The following RMDN2 variants were observed in gnomAD, a reference collection of about 807,000 sequenced individuals.
The protein encoded by RMDN2 is regulator of microtubule dynamics 2, also known as regulator of microtubule dynamics protein 2.
RMDN2 carries 61 observed loss-of-function variants against 52.8 expected under a neutral mutation model. The ratio of observed to expected loss-of-function variants is 1.16; its 90% CI spans 0.94 to 1.43. The LOEUF (loss-of-function observed/expected upper bound fraction) is 1.43, where lower values mean the gene tolerates loss of function less well. RMDN2 is among the 40% of genes most tolerant of loss of function. The pLI, the probability that RMDN2 is intolerant of heterozygous loss-of-function variation, is 0.00. For missense variants in RMDN2, 592 were observed against 475.3 expected, an observed-to-expected ratio of 1.25 and a Z score of -2.28; for synonymous variants, 180 against 153.1, an observed-to-expected ratio of 1.18 and a Z score of -1.30.
chr2:37,954,377 GTGA>G (rs375914646), intron 2 of RMDN2, among the ~76,000 whole-genome samples: 1 of 151,990 alleles, frequency 6.6e-6, no homozygotes, highest in African/African-American at 2.4e-5. Context: ...ATTTTTGTGT[GTGA>G]TGTTAAGTAA....
In RMDN2 at chr2:37,953,577, A is replaced by G. The variant is rs531543619; in HGVS notation, c.453-20463A>G. 1.1e-4 allele frequency among the ~76,000 whole-genome samples: 17 copies of G among 152,138 alleles called. 1 individual carries two copies. The South Asian group carries it at 3.1e-3, about 28-fold the overall frequency. Reference sequence around the variant, plus strand: ...ACTGTATGTATATATCACATTTTGCATATCCTTTATCCACCAGTGGACAAT... The same window carrying G: ...ACTGTATGTATATATCACATTTTGCGTATCCTTTATCCACCAGTGGACAAT... On this transcript the variant is annotated intron_variant, in intron 2 of 10. Transcript: ENST00000354545.
chr2:38,000,226 C>T lies in RMDN2; in HGVS notation c.1044+2712C>T, dbSNP rs202164023. The stretch of plus-strand genomic sequence containing the variant: ...CCTCATCCAAAATTCTGGCATGATT[C>T]CCTAGGGCAGTGGTTCTCAACCTTG... On this transcript the variant is annotated intron_variant, in intron 8 of 10. Coordinates refer to ENST00000354545, the MANE Select transcript of RMDN2 (RefSeq NM_001170791.3). 1.6e-4 allele frequency among the ~76,000 whole-genome samples: 24 copies of T among 152,280 alleles called. No homozygotes were observed. The East Asian group carries it at 4.2e-3, about 27-fold the overall frequency.
In RMDN2 at chr2:37,951,270, C is replaced by G. The variant is rs765216607; in HGVS notation, c.452+21541C>G. The G allele has an allele frequency of 1.9e-6, 3 of 1,604,402 alleles. No homozygotes were observed. Among genetic ancestry groups the G allele is most frequent in the Admixed American group, 3.5e-5 (2 of 57,356 alleles). On this transcript the variant is annotated intron_variant, in intron 2 of 10. Transcript: ENST00000354545. Reference sequence around the variant, plus strand: ...GGACCAGAGCTTCCAACGATGTTCTCCAGAAGATCAAGTTAGTACAGACGC... The same window carrying G: ...GGACCAGAGCTTCCAACGATGTTCTGCAGAAGATCAAGTTAGTACAGACGC...
At chr2:37,943,881 T>C (rs981795891) in intron 2 of RMDN2, among the ~76,000 whole-genome samples, 2 of 152,166 alleles carry the variant, frequency 1.3e-5, no homozygotes, top group African/African-American at 4.8e-5. Context: ...CTACTCCCCA[T>C]ATCTTTGCTC....
At chr2:37,997,209 A>T in intron 7 of RMDN2, among the ~76,000 whole-genome samples, 1 of 152,158 alleles carries the variant, frequency 6.6e-6, no homozygotes, top group East Asian at 1.9e-4. Flanking sequence ...AGAATTGTGA[A>T]AAAGGAAGGT....
intron 10 of RMDN2, among the ~76,000 whole-genome samples, chr2:38,011,971 T>G (rs913699277): frequency 3.3e-5 from 5 of 152,178 alleles, no homozygotes; most frequent in African/African-American, 4.8e-5. Flanking sequence ...ACAGATTAAA[T>G]GTAAACGTCA....
intron 10 of RMDN2, among the ~76,000 whole-genome samples, chr2:38,042,158 C>T (rs920277974): frequency 6.6e-6 from 1 of 152,034 alleles, no homozygotes; most frequent in Admixed American, 6.6e-5. Flanking sequence ...ATTTATTTCT[C>T]TTTGTGTGTG....
At chr2:37,964,198 G>A (rs900133137) in intron 2 of RMDN2, among the ~76,000 whole-genome samples, 1 of 151,858 alleles carries the variant, frequency 6.6e-6, no homozygotes, top group African/African-American at 2.4e-5. Flanking sequence ...GCCGGGCGGA[G>A]GGGCTCCTCA....
At chr2:37,975,016 T>G in intron 3 of RMDN2, 196 bp from the exon 4 acceptor site, 1 of 562,492 alleles carries the variant, frequency 1.8e-6, no homozygotes, top group Non-Finnish European at 3.1e-6. Flanking sequence ...AATGTAACAC[T>G]ACATTAGGTC....
chr2:38,039,093 C>CACACAGAGAG (rs1317093706), intron 10 of RMDN2, among the ~76,000 whole-genome samples: 94 of 91,664 alleles, frequency 1.0e-3, no homozygotes, highest in African/African-American at 2.7e-3. Flanking sequence ...CACACACACA[C>CACACAGAGAG]AGAGAGAGAG....
intron 8 of RMDN2, among the ~76,000 whole-genome samples, chr2:38,002,692 A>G (rs751845321): frequency 1.3e-5 from 2 of 152,250 alleles, no homozygotes; most frequent in Admixed American, 1.3e-4. Context: ...GGTAGGTTAC[A>G]TGTCAAACGG....
At chr2:37,956,694 C>T (rs1457234459) in intron 2 of RMDN2, among the ~76,000 whole-genome samples, 1 of 151,604 alleles carries the variant, frequency 6.6e-6, no homozygotes, top group Non-Finnish European at 1.5e-5. Context: ...TTCTGGGATA[C>T]ATGTGCAGAA....
At chr2:37,993,215 G>T (rs913966499) in intron 7 of RMDN2, among the ~76,000 whole-genome samples, 1 of 152,050 alleles carries the variant, frequency 6.6e-6, no homozygotes, top group Admixed American at 6.6e-5. Context: ...ATGAACCACC[G>T]CACCTGGCCC....
chr2:37,943,011 C>T (rs1342529766), intron 2 of RMDN2, among the ~76,000 whole-genome samples: 1 of 152,218 alleles, frequency 6.6e-6, no homozygotes, highest in East Asian at 1.9e-4. Context: ...CTGGGCAGGA[C>T]TTGCTAAGAG....
chr2:38,014,763 A>T (rs570525042), intron 10 of RMDN2, among the ~76,000 whole-genome samples: 1 of 152,346 alleles, frequency 6.6e-6, no homozygotes, highest in Non-Finnish European at 1.5e-5. Context: ...TTATTTTACA[A>T]TTATAGAGGT....
intron 2 of RMDN2, 49 bp downstream of exon 2, chr2:37,929,778 T>C: frequency 8.1e-7 from 1 of 1,235,088 alleles, no homozygotes; most frequent in Non-Finnish European, 1.1e-6. Flanking sequence ...ATTATCATTA[T>C]TACTATTATT....
chr2:37,967,036 C>T (rs190181096), intron 2 of RMDN2, among the ~76,000 whole-genome samples: 21 of 151,552 alleles, frequency 1.4e-4, no homozygotes, highest in East Asian at 1.2e-3. Flanking sequence ...GGACAGTGCC[C>T]GAAAGAAATA....
Position 37,991,837 on chromosome 2 carries a change from G to A in RMDN2, c.945+540G>A, listed in dbSNP as rs115973843. Among the ~76,000 whole-genome samples the A allele has an allele frequency of 5.9e-3, 900 of 152,288 alleles. 11 individuals are homozygous for A. The highest frequency in any genetic ancestry group is 0.02 in the African/African-American group (846 of 41,546). On this transcript the variant is annotated intron_variant, in intron 7 of 10. Transcript: ENST00000354545. Reference sequence around the variant, plus strand: ...TTGGAAGGGATACGCGACATATATAGCTCAAATAAAAGCAGCTGGTCCGTG... The same window carrying A: ...TTGGAAGGGATACGCGACATATATAACTCAAATAAAAGCAGCTGGTCCGTG...
chr2:38,028,974 G>C (rs1487677599), intron 10 of RMDN2, among the ~76,000 whole-genome samples: 1 of 152,170 alleles, frequency 6.6e-6, no homozygotes, highest in African/African-American at 2.4e-5. Flanking sequence ...TGAGGCTGCA[G>C]CTGTTTTTAT....
Sources: allele counts gnomAD v4.1 joint callset (sites outside exome capture counted in the v4.1 genomes callset), GRCh38; gene constraint gnomAD v4.1.1; transcripts MANE v1.5; gene names NCBI Gene and HGNC (gene_info 2026-07-23, HGNC 2026-07-21).